Variants in CNTNAP5 observed in about 807,000 individuals in gnomAD.
The protein encoded by CNTNAP5 is contactin-associated protein-like 5.
CNTNAP5 carries 72 observed loss-of-function variants against 150.2 expected under a neutral mutation model. The observed-to-expected ratio is 0.48, with a 90% CI of 0.40 to 0.58. The LOEUF (loss-of-function observed/expected upper bound fraction) is 0.58. Among genes scored for constraint, CNTNAP5 ranks in the 20% least tolerant of loss-of-function variants. The probability of loss-of-function intolerance (pLI) is 0.00; values close to 1 mark genes in which losing one functional copy is unlikely to be tolerated. For missense variants in CNTNAP5, 1,636 were observed against 1,626.2 expected (o/e 1.01, Z -0.10); for synonymous variants, 672 against 619.8 (o/e 1.08, Z -1.25).
intron 16 of CNTNAP5, among the ~76,000 whole-genome samples, chr2:124,768,092 A>G (rs182803075): frequency 2.5e-4 from 38 of 152,322 alleles, no homozygotes; most frequent in African/African-American, 9.1e-4. Flanking sequence ...GAAAGAGGGA[A>G]GAGTCTCCCA....
At chr2:124,520,884 C>T (rs1694833583) in intron 8 of CNTNAP5, among the ~76,000 whole-genome samples, 2 of 152,342 alleles carry the variant, frequency 1.3e-5, no homozygotes, top group African/African-American at 4.8e-5. Context: ...ATTAATAGCA[C>T]TTCCACTTTT....
chr2:124,683,161 A>T (rs1454005434), intron 13 of CNTNAP5, among the ~76,000 whole-genome samples: 1 of 152,128 alleles, frequency 6.6e-6, no homozygotes, highest in Admixed American at 6.5e-5. Flanking sequence ...AGTGTGGCTG[A>T]TGTATGAATC....
At chr2:124,786,398 AGAAGGAAGGAAG>A (rs773411166) in intron 17 of CNTNAP5, among the ~76,000 whole-genome samples, 73 of 45,200 alleles carry the variant, frequency 1.6e-3, no homozygotes, top group Admixed American at 2.5e-3. Flanking sequence ...AAAGAAAGAA[AGAAGGAAGGAAG>A]GAAGGAAGGA....
intron 1 of CNTNAP5, among the ~76,000 whole-genome samples, chr2:124,149,798 G>A (rs1392144695): frequency 6.6e-5 from 10 of 152,130 alleles, no homozygotes; most frequent in Non-Finnish European, 1.2e-4. Flanking sequence ...TGAACAGCTC[G>A]CAGCTGGCCG....
At chr2:124,458,152 T>C (rs1372298171) in intron 6 of CNTNAP5, among the ~76,000 whole-genome samples, 1 of 148,824 alleles carries the variant, frequency 6.7e-6, no homozygotes, top group Non-Finnish European at 1.5e-5. Flanking sequence ...TGCAAAAACA[T>C]GGAACCAACT....
At chr2:124,901,937 AT>A (rs1678421565) in intron 21 of CNTNAP5, among the ~76,000 whole-genome samples, 1 of 152,166 alleles carries the variant, frequency 6.6e-6, no homozygotes, top group African/African-American at 2.4e-5. Context: ...CTCTTTGACC[AT>A]TTATGAATCA....
intron 19 of CNTNAP5, among the ~76,000 whole-genome samples, chr2:124,838,243 C>T (rs1682869938): frequency 6.6e-6 from 1 of 152,138 alleles, no homozygotes; most frequent in Non-Finnish European, 1.5e-5. Flanking sequence ...GAAGTAGATA[C>T]TATGATTATA....
chr2:124,039,694 T>C (rs1056959088), intron 1 of CNTNAP5, among the ~76,000 whole-genome samples: 1 of 152,186 alleles, frequency 6.6e-6, no homozygotes, highest in Admixed American at 6.5e-5. Context: ...AAAATCCTTT[T>C]ATTTAGGTCT....
chr2:124,175,138 T>C (rs1427097731), intron 1 of CNTNAP5, among the ~76,000 whole-genome samples: 1 of 152,236 alleles, frequency 6.6e-6, no homozygotes, highest in African/African-American at 2.4e-5. Context: ...TTGCAATATT[T>C]GCTTTACTTA....
At chr2:124,516,829 T>G (rs550006761) in intron 8 of CNTNAP5, among the ~76,000 whole-genome samples, 161 of 152,294 alleles carry the variant, frequency 1.1e-3, no homozygotes, top group African/African-American at 3.8e-3. Flanking sequence ...AAAGATCTGT[T>G]AGAAATTTTA....
intron 13 of CNTNAP5, among the ~76,000 whole-genome samples, chr2:124,698,902 C>T (rs1246122014): frequency 6.6e-6 from 1 of 152,142 alleles, no homozygotes; most frequent in African/African-American, 2.4e-5. Flanking sequence ...CTCAGTGTCT[C>T]TGCCTCTGAT....
At chr2:124,263,746 T>C (rs1432673402) in intron 3 of CNTNAP5, among the ~76,000 whole-genome samples, 1 of 152,238 alleles carries the variant, frequency 6.6e-6, no homozygotes, top group Admixed American at 6.5e-5. Context: ...TGAATGGTAT[T>C]GCCCAGGTTT....
intron 13 of CNTNAP5, among the ~76,000 whole-genome samples, chr2:124,682,485 A>G (rs2105070210): frequency 6.6e-6 from 1 of 152,306 alleles, no homozygotes; most frequent in Admixed American, 6.5e-5. Context: ...ATGGAACGTC[A>G]AAAGTTCTCA....
chr2:124,390,707 A>G (rs1691088414), intron 3 of CNTNAP5, among the ~76,000 whole-genome samples: 1 of 152,206 alleles, frequency 6.6e-6, no homozygotes. Context: ...TTCTATAATT[A>G]CACTCAAGGA....
intron 3 of CNTNAP5, among the ~76,000 whole-genome samples, chr2:124,330,500 AGT>A (rs1689324087): frequency 6.6e-6 from 1 of 152,104 alleles, no homozygotes; most frequent in African/African-American, 2.4e-5. Context: ...TTCTTGTGAT[AGT>A]GTGTGAGTTC....
intron 1 of CNTNAP5, among the ~76,000 whole-genome samples, chr2:124,200,016 T>A (rs1685682371): frequency 6.6e-6 from 1 of 152,152 alleles, no homozygotes; most frequent in Admixed American, 6.5e-5. Flanking sequence ...GTCAAGTGAA[T>A]AATGTTCATG....
chr2:124,884,171 T>C (rs1678031761), intron 21 of CNTNAP5, among the ~76,000 whole-genome samples: 1 of 152,108 alleles, frequency 6.6e-6, no homozygotes, highest in Admixed American at 6.6e-5. Context: ...TGCATGTCTG[T>C]ATGCATGCAC....
intron 8 of CNTNAP5, among the ~76,000 whole-genome samples, chr2:124,522,429 C>A (rs972258462): frequency 3.9e-5 from 6 of 152,198 alleles, no homozygotes; most frequent in African/African-American, 1.4e-4. Context: ...CTAGCCTTGA[C>A]CCCTTCCAGC....
chr2:124,234,264 T>C (rs1009441508), intron 2 of CNTNAP5, among the ~76,000 whole-genome samples: 29 of 152,156 alleles, frequency 1.9e-4, no homozygotes, highest in Non-Finnish European at 3.7e-4. Context: ...TTAGAGTGTA[T>C]TGATTTGCCA....
Sources: gnomAD v4.1 joint callset for allele counts (sites outside exome capture counted in the v4.1 genomes callset) on GRCh38, gnomAD v4.1.1 for gene constraint, MANE v1.5 for transcripts, NCBI Gene and HGNC (gene_info 2026-07-23, HGNC 2026-07-21) for gene names.